Variants in RNF168 observed in about 807,000 individuals in gnomAD.
The protein encoded by RNF168 is E3 ubiquitin-protein ligase RNF168.
Under a neutral mutation model 34.9 loss-of-function variants are expected in RNF168, and 34 were observed. The ratio of observed to expected loss-of-function variants is 0.97; its 90% CI spans 0.74 to 1.30. The LOEUF is 1.30. RNF168 is among the 50% of genes most tolerant of loss of function. The pLI is 0.00. For missense variants in RNF168, 725 were observed against 682.5 expected, an observed-to-expected ratio of 1.06 and a Z score of -0.69; for synonymous variants, 264 against 254.7, an observed-to-expected ratio of 1.04 and a Z score of -0.35.
In RNF168 at chr3:196,472,106, G is replaced by T. The variant is rs751363298; in HGVS notation, c.1429C>A (p.Arg477Ser). 2.5e-6 allele frequency: 4 copies of T among 1,613,660 alleles called. No homozygotes were observed. The highest frequency in any genetic ancestry group is 1.7e-5 in the Admixed American group (1 of 59,958). ...QKGSPDEYHLRATSSPPDKVL... is the reference protein window; with the variant it reads ...QKGSPDEYHLSATSSPPDKVL... ...TTGTCTGGAGGGGAGGATGTAGCGC[G>T]TAAGTGATACTCATCTGGGGATCCT... is the stretch of plus-strand genomic sequence containing the variant. Residue 477 changes from arginine (R) to serine (S), a missense_variant, in exon 6 of 6, where the codon CGC (arginine) becomes AGC (serine). Transcript: ENST00000318037.
intron 4 of RNF168, among the ~76,000 whole-genome samples, chr3:196,483,075 T>C (rs893510510): frequency 6.6e-6 from 1 of 152,130 alleles, no homozygotes; most frequent in African/African-American, 2.4e-5. Context: ...TTATGAGTAC[T>C]GGCGACACTG....
chr3:196,491,464 C>G (rs1732594196), intron 1 of RNF168, among the ~76,000 whole-genome samples: 1 of 152,076 alleles, frequency 6.6e-6, no homozygotes. Context: ...GCCTGACCAA[C>G]ACGGTGAAAC....
At chr3:196,479,019 A>AT (rs1045778969) in intron 4 of RNF168, among the ~76,000 whole-genome samples, 174 of 135,126 alleles carry the variant, frequency 1.3e-3, no homozygotes, top group Non-Finnish European at 1.9e-3. Context: ...TATTTTATTT[A>AT]TTTTTTTTTG....
intron 1 of RNF168, among the ~76,000 whole-genome samples, chr3:196,490,644 T>C (rs1278768383): frequency 2.0e-5 from 3 of 151,936 alleles, no homozygotes; most frequent in African/African-American, 4.8e-5. Context: ...AAGATGTTAA[T>C]ATGAAATCTT....
At chr3:196,475,514 A>C (rs1190237295) in intron 4 of RNF168, 1 of 558,540 alleles carries the variant, frequency 1.8e-6, no homozygotes, top group Admixed American at 3.1e-5. Flanking sequence ...TTAGTGAAAA[A>C]CAGAAAAGGA....
intron 1 of RNF168, among the ~76,000 whole-genome samples, chr3:196,500,713 C>T (rs1475041785): frequency 6.6e-6 from 1 of 151,770 alleles, no homozygotes; most frequent in African/African-American, 2.4e-5. Context: ...TATATTTTAC[C>T]ACAATTTTTT....
chr3:196,476,684 G>A (rs1475007319), intron 4 of RNF168, among the ~76,000 whole-genome samples: 1 of 151,532 alleles, frequency 6.6e-6, no homozygotes, highest in African/African-American at 2.4e-5. Flanking sequence ...CCAAAGTGCT[G>A]GGATAACATG....
At chr3:196,479,156 G>C (rs1487499091) in intron 4 of RNF168, among the ~76,000 whole-genome samples, 1 of 151,512 alleles carries the variant, frequency 6.6e-6, no homozygotes, top group South Asian at 2.1e-4. Flanking sequence ...GGGATTACAG[G>C]TGCTCGCCAC....
chr3:196,495,214 T>C (rs1430188419), intron 1 of RNF168, among the ~76,000 whole-genome samples: 2 of 152,106 alleles, frequency 1.3e-5, no homozygotes, highest in Non-Finnish European at 2.9e-5. Context: ...CATTTGAAAG[T>C]TGCATGATCA....
chr3:196,492,964 A>C (rs1360619438), intron 1 of RNF168, among the ~76,000 whole-genome samples: 1 of 148,876 alleles, frequency 6.7e-6, no homozygotes, highest in African/African-American at 2.6e-5. Flanking sequence ...ACTCGAATTC[A>C]AGGTGGATTA....
intron 2 of RNF168, among the ~76,000 whole-genome samples, chr3:196,487,973 T>C (rs931571633): frequency 6.6e-5 from 10 of 152,166 alleles, no homozygotes; most frequent in African/African-American, 1.4e-4. Flanking sequence ...CTTTAACCTT[T>C]CCTCATCTAA....
At chr3:196,497,936 G>C (rs904003268) in intron 1 of RNF168, among the ~76,000 whole-genome samples, 2 of 152,150 alleles carry the variant, frequency 1.3e-5, no homozygotes, top group African/African-American at 4.8e-5. Context: ...TACAATGGAA[G>C]AGGGCAAAAC....
At chr3:196,494,071 A>T (rs1171863361) in intron 1 of RNF168, among the ~76,000 whole-genome samples, 2 of 148,364 alleles carry the variant, frequency 1.3e-5, no homozygotes, top group Non-Finnish European at 3.0e-5. Flanking sequence ...CTGGTCTCAC[A>T]CTCTCAGGCT....
intron 4 of RNF168, 90 bp from the exon 5 acceptor site, chr3:196,475,402 T>C (rs927765807): frequency 2.4e-5 from 19 of 788,712 alleles, no homozygotes; most frequent in Non-Finnish European, 2.9e-5. Context: ...GAAGGTTGTC[T>C]GGTTTGCTGC....
chr3:196,472,369 T>C lies in RNF168; in HGVS notation c.1166A>G (p.Lys389Arg), dbSNP rs558476180. The C allele has an allele frequency of 1.2e-5, 19 of 1,614,096 alleles. No individual in the cohort carries two copies. Among genetic ancestry groups the C allele is most frequent in the African/African-American group, 2.7e-5 (2 of 75,028 alleles). The change falls in exon 6 of 6, where the codon AAA becomes AGA. Residue 389 changes from lysine (K) to arginine (R), a missense_variant. Lys to Arg is a conservative substitution (Grantham distance 26, BLOSUM62 2). Transcript: ENST00000318037. ...LLISKEISKR[K>R]NQESSFEAVK... is the part of the protein sequence containing the mutation. ...TGCTTCAAAGGAAGATTCTTGGTTT[T>C]TTCTTTTGGAAATCTCCTTACTGAT...
chr3:196,492,655 G>A lies in RNF168; in HGVS notation c.302-3972C>T, dbSNP rs143725405. 2.4e-3 allele frequency among the ~76,000 whole-genome samples: 363 copies of A among 152,220 alleles called. 1 individual carries two copies. The highest frequency in any genetic ancestry group is 8.4e-3 in the African/African-American group (348 of 41,550). ...TAGCCACGTGTGGTGGTGCACGCCT[G>A]TAATCCCAGCTACTCAAGAGGCTGA... On this transcript the variant is annotated intron_variant, in intron 1 of 5. Coordinates refer to ENST00000318037, the MANE Select transcript of RNF168 (RefSeq NM_152617.4).
chr3:196,498,270 C>T (rs1248246324), intron 1 of RNF168, among the ~76,000 whole-genome samples: 1 of 152,100 alleles, frequency 6.6e-6, no homozygotes, highest in Non-Finnish European at 1.5e-5. Flanking sequence ...CAATTCTCTG[C>T]CTCAGCCTCC....
chr3:196,488,772 T>C (rs1732519307), intron 1 of RNF168, 89 bp from the exon 2 acceptor site: 3 of 748,310 alleles, frequency 4.0e-6, no homozygotes, highest in Non-Finnish European at 7.2e-6. Context: ...AATTAAAATA[T>C]ACAACTATTA....
intron 1 of RNF168, among the ~76,000 whole-genome samples, chr3:196,502,092 C>T (rs1367562655): frequency 7.5e-6 from 1 of 133,836 alleles, no homozygotes; most frequent in Non-Finnish European, 1.5e-5. Flanking sequence ...GACCTGTCCA[C>T]GAGAGAACGG....
Sources: allele counts gnomAD v4.1 joint callset (sites outside exome capture counted in the v4.1 genomes callset), GRCh38; gene constraint gnomAD v4.1.1; transcripts MANE v1.5; gene names NCBI Gene and HGNC (gene_info 2026-07-23, HGNC 2026-07-21).